STK3: variants seen among roughly 807,000 people sequenced by gnomAD.
STK3 encodes serine/threonine kinase 3.
Under a neutral mutation model 58.0 loss-of-function variants are expected in STK3, and 41 were observed. That is an observed-to-expected ratio of 0.71 (90% CI 0.55 to 0.92). STK3 has a LOEUF of 0.92. Among genes scored for constraint, STK3 ranks in the 40% least tolerant of loss-of-function variants. The probability of loss-of-function intolerance (pLI) is 0.00; values close to 1 mark genes in which losing one functional copy is unlikely to be tolerated. For missense variants in STK3, 479 were observed against 602.7 expected (o/e 0.79, Z 2.15); for synonymous variants, 170 against 191.0 (o/e 0.89, Z 0.91).
intron 3 of STK3, among the ~76,000 whole-genome samples, chr8:98,406,782 T>A (rs1817998388): frequency 1.3e-5 from 2 of 151,838 alleles, no homozygotes; most frequent in Admixed American, 1.3e-4. Context: ...CAGTTAGGAG[T>A]GGTCAGGAGA....
Position 98,913,131 on chromosome 8 carries a change from CA to C in STK3, c.-79+29246del, listed in dbSNP as rs71995197. Reference sequence around the variant, plus strand: ...AAAAATTAGGGGTTCACATAAATGGCAAAAAAAAAAAATCATTAAGCAGAGG... The same window carrying C: ...AAAAATTAGGGGTTCACATAAATGGCAAAAAAAAAAATCATTAAGCAGAGG... On this transcript the variant is annotated intron_variant, in intron 1 of 1. Transcript: ENST00000519420. Among the ~76,000 whole-genome samples, 990 of 142,822 alleles carry C rather than the reference CA, an allele frequency of 6.9e-3. 1 individual carries two copies. Among genetic ancestry groups the C allele is most frequent in the African/African-American group, 0.011 (447 of 39,384 alleles). The allele number at this position is 142,822 out of a possible 152,430, so 93.7% of individuals were successfully genotyped here.
chr8:98,348,265 G>A, the STK3 span, among the ~76,000 whole-genome samples: 1 of 152,174 alleles, frequency 6.6e-6, no homozygotes, highest in East Asian at 1.9e-4. Flanking sequence ...GCTCAAAATG[G>A]ATCATAAGCT....
the STK3 span, among the ~76,000 whole-genome samples, chr8:98,351,132 A>G: frequency 1.3e-5 from 2 of 152,244 alleles, no homozygotes; most frequent in African/African-American, 4.8e-5. Context: ...AAGGGTACAG[A>G]CATACTGTTT....
intron 6 of STK3, 29 bp from the exon 7 acceptor site, chr8:98,596,198 G>C: frequency 6.2e-7 from 1 of 1,601,888 alleles, no homozygotes; most frequent in Non-Finnish European, 8.5e-7. Flanking sequence ...CCAAAAGACA[G>C]TAAGAATCAC....
At chr8:98,609,922 G>A (rs540881611) in intron 6 of STK3, among the ~76,000 whole-genome samples, 37 of 149,488 alleles carry the variant, frequency 2.5e-4, no homozygotes, top group African/African-American at 8.1e-4. Context: ...ATCAGAGATC[G>A]CACCACCGCA....
chr8:98,589,926 C>G (rs935482158), intron 7 of STK3, among the ~76,000 whole-genome samples: 1 of 152,196 alleles, frequency 6.6e-6, no homozygotes, highest in Non-Finnish European at 1.5e-5. Flanking sequence ...TTGCACTTCC[C>G]GAGTGAGGCA....
chr8:98,693,293 G>A (rs955067463), intron 6 of STK3, among the ~76,000 whole-genome samples: 10 of 152,076 alleles, frequency 6.6e-5, no homozygotes, highest in East Asian at 5.8e-4. Context: ...AGCTACTTGC[G>A]GGGCTGAGGC....
chr8:98,769,482 A>G (rs912633782), intron 2 of STK3, among the ~76,000 whole-genome samples: 2 of 152,196 alleles, frequency 1.3e-5, no homozygotes, highest in Non-Finnish European at 2.9e-5. Flanking sequence ...GCCTTCCACC[A>G]TGATTGTGAG....
At chr8:98,500,315 C>T (rs545236685) in intron 10 of STK3, among the ~76,000 whole-genome samples, 17 of 152,112 alleles carry the variant, frequency 1.1e-4, no homozygotes, top group African/African-American at 3.6e-4. Flanking sequence ...GTGGATCATC[C>T]GAGGTCAGGG....
chr8:98,399,787 C>T (rs1817926304), downstream of STK3, among the ~76,000 whole-genome samples: 1 of 152,134 alleles, frequency 6.6e-6, no homozygotes, highest in African/African-American at 2.4e-5. Flanking sequence ...CAACTGAGAG[C>T]AGTAGAGAAT....
intron 6 of STK3, among the ~76,000 whole-genome samples, chr8:98,654,237 T>G (rs1375554101): frequency 3.3e-5 from 5 of 152,142 alleles, no homozygotes; most frequent in Non-Finnish European, 7.3e-5. Flanking sequence ...AAAAACCACA[T>G]GATTATCTCA....
chr8:98,825,037 A>T (rs1324624698), intron 1 of STK3, among the ~76,000 whole-genome samples: 3 of 152,350 alleles, frequency 2.0e-5, no homozygotes, highest in East Asian at 3.9e-4. Flanking sequence ...ACTATTAATA[A>T]CAGTAAATAC....
intron 2 of STK3, among the ~76,000 whole-genome samples, chr8:98,771,002 C>T (rs1831284902): frequency 6.6e-6 from 1 of 152,062 alleles, no homozygotes; most frequent in African/African-American, 2.4e-5. Flanking sequence ...TGGAACCTTT[C>T]TGGAGGGGAG....
At chr8:98,440,780 T>C (rs562483622) in intron 1 of STK3, among the ~76,000 whole-genome samples, 39 of 152,342 alleles carry the variant, frequency 2.6e-4, no homozygotes, top group African/African-American at 8.9e-4. Flanking sequence ...CATTTCCCTT[T>C]CTCAAAAACC....
At chr8:98,829,540 A>G (rs1211051425), upstream of STK3, among the ~76,000 whole-genome samples, 1 of 152,188 alleles carries the variant, frequency 6.6e-6, no homozygotes, top group Non-Finnish European at 1.5e-5. Context: ...CTAGGCCTCC[A>G]TTTTCTCATT....
At chr8:98,718,014 A>G (rs1827142611) in intron 4 of STK3, among the ~76,000 whole-genome samples, 1 of 152,190 alleles carries the variant, frequency 6.6e-6, no homozygotes, top group South Asian at 2.1e-4. Flanking sequence ...TCACACATCT[A>G]GATAGACAGT....
At chr8:98,550,458 CCTAT>C (rs1471714338) in intron 8 of STK3, among the ~76,000 whole-genome samples, 1 of 152,136 alleles carries the variant, frequency 6.6e-6, no homozygotes, top group African/African-American at 2.4e-5. Context: ...TCCAGTCTCT[CCTAT>C]CTGTCTCCAT....
chr8:98,375,530 A>T (rs1817665262), intron 2 of STK3, among the ~76,000 whole-genome samples: 1 of 152,216 alleles, frequency 6.6e-6, no homozygotes, highest in Admixed American at 6.5e-5. Flanking sequence ...CACCTGTAAA[A>T]GCCCTGCTGT....
chr8:98,676,958 T>C (rs1316483118), intron 6 of STK3, among the ~76,000 whole-genome samples: 1 of 152,210 alleles, frequency 6.6e-6, no homozygotes, highest in African/African-American at 2.4e-5. Context: ...AATTATTGCC[T>C]AGCAAAGTAT....
Sources: gnomAD v4.1 joint callset for allele counts (sites outside exome capture counted in the v4.1 genomes callset) on GRCh38, gnomAD v4.1.1 for gene constraint, MANE v1.5 for transcripts, NCBI Gene and HGNC (gene_info 2026-07-23, HGNC 2026-07-21) for gene names.